Variants in SCP2 observed in about 807,000 individuals in gnomAD.
SCP2 encodes SCP-2/3-oxoacyl-CoA thiolase.
Under a neutral mutation model 71.4 loss-of-function variants are expected in SCP2, and 48 were observed. The ratio of observed to expected loss-of-function variants is 0.67; its 90% CI spans 0.53 to 0.86. The LOEUF (loss-of-function observed/expected upper bound fraction) is 0.86. Ranked by LOEUF, SCP2 falls within the 40% of genes least tolerant of loss-of-function variation. SCP2 has a pLI of 0.00. For synonymous variants in SCP2, 220 were observed against 218.1 expected (o/e 1.01, Z -0.08); for missense variants, 560 against 655.6 (o/e 0.85, Z 1.59).
chr1:52,980,694 G>T (rs116807594), intron 10 of SCP2, 151 bp downstream of exon 10: 5 of 768,516 alleles, frequency 6.5e-6, no homozygotes, highest in Middle Eastern at 3.3e-4. Context: ...TTTGGTAGTG[G>T]ACGTTTTAGA....
intron 13 of SCP2, among the ~76,000 whole-genome samples, chr1:53,037,936 A>G (rs1663117181): frequency 7.6e-6 from 1 of 131,656 alleles, no homozygotes; most frequent in African/African-American, 2.9e-5. Flanking sequence ...ACACAGATCC[A>G]GATCCTGTCT....
At chr1:53,037,538 G>T (rs1384751968) in intron 13 of SCP2, among the ~76,000 whole-genome samples, 7 of 152,126 alleles carry the variant, frequency 4.6e-5, no homozygotes, top group Non-Finnish European at 1.0e-4. Context: ...GAGGACGGGA[G>T]GGAGAAGGGA....
At chr1:52,980,244 G>A in intron 9 of SCP2, 152 bp from the exon 10 acceptor site, 1 of 668,544 alleles carries the variant, frequency 1.5e-6, no homozygotes, top group Non-Finnish European at 2.5e-6. Flanking sequence ...AAAGTGCTTG[G>A]ATTATAGGCA....
chr1:52,947,188 A>G (rs2150120737), intron 2 of SCP2, among the ~76,000 whole-genome samples: 1 of 138,954 alleles, frequency 7.2e-6, no homozygotes, highest in Non-Finnish European at 1.5e-5. Context: ...TTGAGACTGC[A>G]GTGAGTTATG....
intron 11 of SCP2, chr1:52,995,250 G>A: frequency 2.0e-6 from 1 of 495,752 alleles, no homozygotes; most frequent in Non-Finnish European, 4.1e-6. Context: ...CTGACACCGT[G>A]GTCGAGCCCT....
At chr1:53,016,816 C>A (rs1048939326) in intron 12 of SCP2, among the ~76,000 whole-genome samples, 7 of 152,156 alleles carry the variant, frequency 4.6e-5, no homozygotes, top group Non-Finnish European at 8.8e-5. Flanking sequence ...GAAAGATATT[C>A]TTTAGCAAAA....
intron 5 of SCP2, among the ~76,000 whole-genome samples, chr1:52,955,792 C>T (rs1405730813): frequency 1.3e-5 from 2 of 151,688 alleles, no homozygotes; most frequent in African/African-American, 4.8e-5. Flanking sequence ...ATTAAAGAAA[C>T]AAGACACCAC....
At chr1:52,985,000 C>T (rs573944331) in intron 10 of SCP2, among the ~76,000 whole-genome samples, 32 of 150,648 alleles carry the variant, frequency 2.1e-4, no homozygotes, top group East Asian at 1.8e-3. Context: ...CCACCACGCC[C>T]GGCTAATTTT....
chr1:52,982,488 T>G (rs567731810), intron 10 of SCP2, among the ~76,000 whole-genome samples: 5 of 152,218 alleles, frequency 3.3e-5, no homozygotes, highest in African/African-American at 1.2e-4. Context: ...GAGAATGGCG[T>G]GAACCTGGGA....
chr1:52,970,753 C>T lies in SCP2; in HGVS notation c.524-4016C>T, dbSNP rs192421131. Among the ~76,000 whole-genome samples the T allele has an allele frequency of 1.0e-3, 152 of 152,006 alleles. No individual in the cohort carries two copies. The East Asian group carries it at 0.018, about 18-fold the overall frequency. On this transcript the variant is annotated intron_variant, in intron 6 of 15. Transcript: ENST00000371514. ...TCTCTGCACAGTTTCCTCAGCCTGCCCATGTACCCTTAAAGGTTTGTGTAG... is the reference window on the plus strand; with the variant it reads ...TCTCTGCACAGTTTCCTCAGCCTGCTCATGTACCCTTAAAGGTTTGTGTAG...
At chr1:53,028,347 A>C (rs1186399200) in intron 13 of SCP2, among the ~76,000 whole-genome samples, 3 of 152,340 alleles carry the variant, frequency 2.0e-5, no homozygotes, top group Non-Finnish European at 4.4e-5. Flanking sequence ...TCAGAGGGTC[A>C]TTCAGTCATG....
chr1:52,993,881 A>G (rs1659731005), intron 11 of SCP2: 3 of 1,460,620 alleles, frequency 2.1e-6, no homozygotes, highest in African/African-American at 1.4e-5. Flanking sequence ...TTCCTAAGCT[A>G]TGTTTTGGAG....
chr1:52,952,515 C>T (rs1655406619), intron 4 of SCP2, among the ~76,000 whole-genome samples: 1 of 152,190 alleles, frequency 6.6e-6, no homozygotes, highest in Non-Finnish European at 1.5e-5. Context: ...CACCACATTT[C>T]TTCTACCTGT....
At position 52,950,608 on chromosome 1, in the gene SCP2, G is replaced by T. The variant is rs186797559; in HGVS notation, c.200-147G>T. 2.1e-5 allele frequency: 14 copies of T among 660,480 alleles called. No homozygotes were observed. In the Admixed American group the frequency reaches 2.5e-4, roughly 12 times the overall value. The allele number at this position is 660,480 out of a possible 1,614,324, so 40.9% of individuals were successfully genotyped here. A position where few individuals can be genotyped will look rare whatever the true frequency, so the allele number is the denominator to read the frequency against. On this transcript the variant is annotated intron_variant, in intron 3 of 15. Transcript: ENST00000371514. Reference sequence around the variant, plus strand: ...TTTTTTGCAGAGTAAATGATGGTTAGTGTTAAAACTGTTTCTAAGATATTT... The same window carrying T: ...TTTTTTGCAGAGTAAATGATGGTTATTGTTAAAACTGTTTCTAAGATATTT...
intron 11 of SCP2, among the ~76,000 whole-genome samples, chr1:53,010,569 A>G (rs1229310214): frequency 6.7e-6 from 1 of 150,290 alleles, no homozygotes; most frequent in Non-Finnish European, 1.5e-5. Context: ...ATAGGTGGGA[A>G]TTGAACAATG....
rs577609060 is a variant in SCP2, at chr1:52,940,961, G to T, written c.70-835G>T. Among the ~76,000 whole-genome samples the T allele has an allele frequency of 5.9e-4, 90 of 152,224 alleles. 1 individual carries two copies. The highest frequency in any genetic ancestry group is 2.0e-3 in the African/African-American group (83 of 41,544). On this transcript the variant is annotated intron_variant, in intron 1 of 15. Coordinates refer to ENST00000371514, the MANE Select transcript of SCP2 (RefSeq NM_002979.5). ...GACAGGGTTCTACCATGTTGGCCAG[G>T]CTGGTCTTGAACTCTTGACCTCAGT...
chr1:52,945,001 A>T (rs1204232197), intron 2 of SCP2, among the ~76,000 whole-genome samples: 2 of 151,780 alleles, frequency 1.3e-5, no homozygotes, highest in Admixed American at 6.6e-5. Context: ...CCTTTTTGTA[A>T]CTCATTCTTT....
At chr1:52,934,429 A>C (rs1653472275) in intron 1 of SCP2, among the ~76,000 whole-genome samples, 1 of 151,766 alleles carries the variant, frequency 6.6e-6, no homozygotes, top group Admixed American at 6.6e-5. Flanking sequence ...ATATTTTTCC[A>C]AAAAAACCAA....
chr1:52,947,241 TA>T (rs34249724), intron 2 of SCP2, among the ~76,000 whole-genome samples: 2,197 of 54,402 alleles, frequency 0.04, 67 homozygotes, highest in African/African-American at 0.14. Context: ...ATGTTGTCCT[TA>T]AAAAAAAAAA....
Sources: allele counts gnomAD v4.1 joint callset (sites outside exome capture counted in the v4.1 genomes callset), GRCh38; gene constraint gnomAD v4.1.1; transcripts MANE v1.5; gene names NCBI Gene and HGNC (gene_info 2026-07-23, HGNC 2026-07-21).